UHRF2: variants seen among roughly 807,000 people sequenced by gnomAD.
The protein encoded by UHRF2 is E3 ubiquitin-protein ligase UHRF2.
UHRF2 carries 23 observed loss-of-function variants against 96.8 expected under a neutral mutation model. That is an observed-to-expected ratio of 0.24 (90% CI 0.17 to 0.34). UHRF2 has a LOEUF of 0.34. Among genes scored for constraint, UHRF2 ranks in the 10% least tolerant of loss-of-function variants. UHRF2 has a pLI of 1.00. For missense variants in UHRF2, 685 were observed against 981.5 expected (o/e 0.70, Z 4.04); for synonymous variants, 385 against 332.6 (o/e 1.16, Z -1.72).
At chr9:6,437,700 C>T (rs1038847645) in intron 3 of UHRF2, among the ~76,000 whole-genome samples, 1 of 152,160 alleles carries the variant, frequency 6.6e-6, no homozygotes, top group Non-Finnish European at 1.5e-5. Flanking sequence ...TCACTGCAAC[C>T]TCCACTTCCT....
intron 3 of UHRF2, among the ~76,000 whole-genome samples, chr9:6,453,599 G>C (rs993731600): frequency 6.6e-6 from 1 of 152,146 alleles, no homozygotes; most frequent in Non-Finnish European, 1.5e-5. Flanking sequence ...GAAACAACAC[G>C]AGTGTATAAA....
At chr9:6,456,410 T>C (rs1361681181) in intron 3 of UHRF2, among the ~76,000 whole-genome samples, 1 of 152,154 alleles carries the variant, frequency 6.6e-6, no homozygotes, top group Non-Finnish European at 1.5e-5. Context: ...GAATTTAAGT[T>C]CTTTGTAGAT....
At chr9:6,456,061 CTTACTA>C (rs1017634474) in intron 3 of UHRF2, among the ~76,000 whole-genome samples, 3 of 152,142 alleles carry the variant, frequency 2.0e-5, no homozygotes, top group African/African-American at 7.2e-5. Flanking sequence ...GTTTGTAATA[CTTACTA>C]TTAGGAAATA....
chr9:6,421,423 T>TTA (rs1222725487), intron 2 of UHRF2, among the ~76,000 whole-genome samples: 1 of 152,194 alleles, frequency 6.6e-6, no homozygotes, highest in Non-Finnish European at 1.5e-5. Context: ...TTTGTTTGTT[T>TTA]GTTTTTGATA....
intron 3 of UHRF2, among the ~76,000 whole-genome samples, chr9:6,435,702 G>A (rs1226832736): frequency 6.6e-6 from 1 of 152,092 alleles, no homozygotes; most frequent in African/African-American, 2.4e-5. Flanking sequence ...TGCCTTTCAG[G>A]TTGAAGCGAT....
intron 1 of UHRF2, 147 bp downstream of exon 1, chr9:6,413,790 G>GT (rs1819428681): frequency 9.4e-7 from 1 of 1,069,370 alleles, no homozygotes; most frequent in African/African-American, 1.7e-5. Context: ...GAGGCGCGGG[G>GT]TGCGGGGCCC....
intron 9 of UHRF2, chr9:6,492,533 C>T (rs1273746358): frequency 1.5e-5 from 3 of 200,038 alleles, no homozygotes; most frequent in Admixed American, 6.4e-5. Context: ...GGGTTTTGGA[C>T]CAATAACACT....
chr9:6,444,617 T>G, intron 3 of UHRF2, among the ~76,000 whole-genome samples: 1 of 152,122 alleles, frequency 6.6e-6, no homozygotes, highest in East Asian at 1.9e-4. Context: ...TTTTTTTTGG[T>G]TTAGACTGAG....
chr9:6,470,568 C>T lies in UHRF2; in HGVS notation c.864-4823C>T, dbSNP rs1057059481. On this transcript the variant is annotated intron_variant, in intron 4 of 15. Transcript: ENST00000276893. ...TCGAAATATGGGACAGAATTAAGAG[C>T]AGGGAAAGGGTAAATGTATGAGTAA... Among the ~76,000 whole-genome samples, 57 of 151,706 alleles carry T rather than the reference C, an allele frequency of 3.8e-4. 1 individual carries two copies. The highest frequency in any genetic ancestry group is 1.5e-4 in the Non-Finnish European group (10 of 67,968).
At chr9:6,457,737 G>C (rs1045103699) in intron 3 of UHRF2, among the ~76,000 whole-genome samples, 15 of 152,278 alleles carry the variant, frequency 9.9e-5, no homozygotes, top group Non-Finnish European at 1.9e-4. Context: ...TTTGTAGAAG[G>C]CCTTTTCTGC....
chr9:6,491,045 G>A lies in UHRF2; in HGVS notation c.1498-2781G>A, dbSNP rs151045215. 2.5e-3 allele frequency among the ~76,000 whole-genome samples: 383 copies of A among 152,280 alleles called. 2 individuals are homozygous for A. The highest frequency in any genetic ancestry group is 7.5e-3 in the African/African-American group (311 of 41,540). ...GGGTGAATGGATGTAATACTCTTGC[G>A]TACCTGCTGATAACTGAGTTAATAT... is the stretch of plus-strand genomic sequence containing the variant. On this transcript the variant is annotated intron_variant, in intron 9 of 15. Coordinates refer to ENST00000276893, the MANE Select transcript of UHRF2 (RefSeq NM_152896.3).
At chr9:6,445,981 C>CT (rs57147850) in intron 3 of UHRF2, among the ~76,000 whole-genome samples, 15,076 of 78,454 alleles carry the variant, frequency 0.19, 1,833 homozygotes, top group East Asian at 0.41. Context: ...CCCCGCCACC[C>CT]TTTTTTTTTT....
At chr9:6,483,658 T>G (rs1824067152) in intron 8 of UHRF2, among the ~76,000 whole-genome samples, 1 of 152,212 alleles carries the variant, frequency 6.6e-6, no homozygotes, top group Non-Finnish European at 1.5e-5. Flanking sequence ...GTAAATAATT[T>G]ATATTTTAAA....
rs114000144 is a variant in UHRF2, at chr9:6,433,238, T to G, written c.385-676T>G. Among the ~76,000 whole-genome samples the G allele has an allele frequency of 4.7e-3, 714 of 152,322 alleles. 6 individuals are homozygous for G. Among genetic ancestry groups the G allele is most frequent in the African/African-American group, 0.017 (691 of 41,562 alleles). ...CCTGTTTTTTAATACTCCTTCCTTT[T>G]GTCAGATTGCATGGGTTAGTTGTGG... On this transcript the variant is annotated intron_variant, in intron 2 of 15. Transcript: ENST00000276893.
intron 3 of UHRF2, among the ~76,000 whole-genome samples, chr9:6,459,500 C>T (rs575119935): frequency 3.6e-4 from 55 of 152,252 alleles, no homozygotes; most frequent in African/African-American, 1.1e-3. Context: ...AAAACCCCGT[C>T]TCTACTAAAA....
In UHRF2 at chr9:6,460,787, C is replaced by G; in HGVS notation, c.859C>G (p.Leu287Val). The change falls in exon 4 of 16, where the codon CTG (leucine) becomes GTG (valine). Residue 287 changes from leucine to valine, a missense_variant. Physicochemically the swap from Leu to Val is conservative, Grantham distance 32. This residue lies in a region of UHRF2 where 391 missense variants were observed against 437.0 expected (regional missense o/e 0.89). Coordinates refer to ENST00000276893, the MANE Select transcript of UHRF2 (RefSeq NM_152896.3). ...AAAAGAACTTCGTGTGAAAATTTTCCTGGGGTAAGATTGTCTTCACTGGTG... is the reference window on the plus strand; with the variant it reads ...AAAAGAACTTCGTGTGAAAATTTTCGTGGGGTAAGATTGTCTTCACTGGTG... ...TKKELRVKIF[L>V]GGSEGTLNDC... 1 of 1,611,886 alleles carries G rather than the reference C, an allele frequency of 6.2e-7. No individual in the cohort carries two copies. The highest frequency in any genetic ancestry group is 8.5e-7 in the Non-Finnish European group (1 of 1,179,292).
intron 1 of UHRF2, among the ~76,000 whole-genome samples, chr9:6,418,800 T>G (rs1011436175): frequency 6.6e-6 from 1 of 152,218 alleles, no homozygotes; most frequent in Non-Finnish European, 1.5e-5. Flanking sequence ...GCTGTTGTAC[T>G]AATGTACCAA....
In UHRF2 at chr9:6,481,745, A is replaced by T; in HGVS notation, c.1263A>T (p.Glu421Asp). ...CAAAGATGCCGTCAGCTAGTACTGAAAGCCGAAGAGACTGGGGCAGGGTAA... is the reference window on the plus strand; with the variant it reads ...CAAAGATGCCGTCAGCTAGTACTGATAGCCGAAGAGACTGGGGCAGGGTAA... ...KKAKMPSAST[E>D]SRRDWGRGMA... is the part of the protein sequence containing the mutation. The change falls in exon 7 of 16, where the codon GAA (glutamate) becomes GAT (aspartate). Residue 421 changes from glutamate to aspartate, a missense_variant. By Grantham distance (45) the Glu-to-Asp change is conservative. Transcript: ENST00000276893. 1 of 1,613,834 alleles carries T rather than the reference A, an allele frequency of 6.2e-7. No homozygotes were observed. The highest frequency in any genetic ancestry group is 8.5e-7 in the Non-Finnish European group (1 of 1,179,858).
chr9:6,467,595 GTT>G (rs34366483), intron 4 of UHRF2, among the ~76,000 whole-genome samples: 3 of 99,154 alleles, frequency 3.0e-5, no homozygotes, highest in Non-Finnish European at 5.8e-5. Context: ...CGAGAGAATA[GTT>G]TTTTTTTTTT....
Sources: gnomAD v4.1 joint callset for allele counts (sites outside exome capture counted in the v4.1 genomes callset) on GRCh38, gnomAD v4.1.1 for gene constraint, gnomAD v4.1.1 regional missense constraint, MANE v1.5 for transcripts, NCBI Gene and HGNC (gene_info 2026-07-23, HGNC 2026-07-21) for gene names.